PDIK1L: variants seen among roughly 807,000 people sequenced by gnomAD.
PDIK1L encodes serine/threonine-protein kinase PDIK1L.
Under a neutral mutation model 27.1 loss-of-function variants are expected in PDIK1L, and 9 were observed. The observed-to-expected ratio is 0.33, with a 90% CI of 0.20 to 0.58. The LOEUF (loss-of-function observed/expected upper bound fraction) is 0.58, where lower values mean the gene tolerates loss of function less well. Ranked by LOEUF, PDIK1L falls within the 20% of genes least tolerant of loss-of-function variation. The probability of loss-of-function intolerance (pLI) is 0.86; values close to 1 mark genes in which losing one functional copy is unlikely to be tolerated. For synonymous variants in PDIK1L, 130 were observed against 141.7 expected, an observed-to-expected ratio of 0.92 and a Z score of 0.59; for missense variants, 216 against 413.2, an observed-to-expected ratio of 0.52 and a Z score of 4.14.
Position 26,124,871 on chromosome 1 carries a change from A to G in PDIK1L, c.*2294A>G, listed in dbSNP as rs2088051247. The G allele has an allele frequency of 6.6e-6, 1 of 152,310 alleles. No individual in the cohort carries two copies. 9.4% of individuals were successfully genotyped at this position (152,310 alleles called of 1,614,324 possible). On this transcript the variant is annotated 3_prime_UTR_variant, in exon 3 of 3. Coordinates refer to ENST00000374269, the MANE Select transcript of PDIK1L (RefSeq NM_152835.5). Reference sequence around the variant, plus strand: ...GACAATTAAAAAATGGCATTTAGCCAAAGGCCTTTTCAGCCAGGAGTAAGA... The same window carrying G: ...GACAATTAAAAAATGGCATTTAGCCGAAGGCCTTTTCAGCCAGGAGTAAGA...
At position 26,125,272 on chromosome 1, in the gene PDIK1L, T is replaced by C. The variant is rs1469144567; in HGVS notation, c.*2695T>C. 1 of 152,654 alleles carries C rather than the reference T, an allele frequency of 6.6e-6. No individual in the cohort carries two copies. The highest frequency in any genetic ancestry group is 2.4e-5 in the African/African-American group (1 of 41,468). 9.5% of individuals were successfully genotyped at this position (152,654 alleles called of 1,614,324 possible). A position where few individuals can be genotyped will look rare whatever the true frequency, so the allele number is the denominator to read the frequency against. ...ATAAATAGCACACAGAATAGTTCTT[T>C]CTGCTGGTCTGTTTTTTCTCTTCGT... On this transcript the variant is annotated 3_prime_UTR_variant, in exon 3 of 3. Coordinates refer to ENST00000374269, the MANE Select transcript of PDIK1L (RefSeq NM_152835.5).
chr1:26,115,789 G>A (rs536378591), intron 2 of PDIK1L, among the ~76,000 whole-genome samples: 70 of 147,926 alleles, frequency 4.7e-4, no homozygotes, highest in Non-Finnish European at 9.7e-4. Flanking sequence ...GCAACTGAGC[G>A]AGACTCCGTC....
chr1:26,112,307 C>G (rs2087810742), intron 1 of PDIK1L, among the ~76,000 whole-genome samples: 1 of 152,224 alleles, frequency 6.6e-6, no homozygotes, highest in African/African-American at 2.4e-5. Flanking sequence ...CGGCAGGTGT[C>G]TGGCCTGGCC....
At chr1:26,121,064 CAAAT>C (rs1235468410) in intron 2 of PDIK1L, among the ~76,000 whole-genome samples, 1 of 150,512 alleles carries the variant, frequency 6.6e-6, no homozygotes, top group Non-Finnish European at 1.5e-5. Flanking sequence ...ATAATAATAA[CAAAT>C]AAAACTGTGA....
At chr1:26,116,521 A>G (rs1557594893) in intron 2 of PDIK1L, among the ~76,000 whole-genome samples, 1 of 152,210 alleles carries the variant, frequency 6.6e-6, no homozygotes, top group Non-Finnish European at 1.5e-5. Flanking sequence ...CCCCAAAACA[A>G]AAAAGAAAAC....
At chr1:26,111,293 C>A (rs2087787994), upstream of PDIK1L, 1 of 152,846 alleles carries the variant, frequency 6.5e-6, no homozygotes, top group South Asian at 1.8e-4. This position sits in a 1 kb window ranked among gnomAD's most constrained non-coding sequence, Gnocchi z 4.0. Context: ...CGCCAGGCCT[C>A]CTTGGTCGGG....
Position 26,122,809 on chromosome 1 carries a change from A to C in PDIK1L, c.*232A>C. 1 of 359,476 alleles carries C rather than the reference A, an allele frequency of 2.8e-6. No individual in the cohort carries two copies. The highest frequency in any genetic ancestry group is 4.8e-6 in the Non-Finnish European group (1 of 208,004). 22.3% of individuals were successfully genotyped at this position (359,476 alleles called of 1,614,324 possible). ...GTAAATTTTTAAAAAATGATTATTGATAGAAGTTTGGCAGGAAAATTCTTT... is the reference window on the plus strand; with the variant it reads ...GTAAATTTTTAAAAAATGATTATTGCTAGAAGTTTGGCAGGAAAATTCTTT... On this transcript the variant is annotated 3_prime_UTR_variant, in exon 3 of 3. Coordinates refer to ENST00000374269, the MANE Select transcript of PDIK1L (RefSeq NM_152835.5). The surrounding 1 kb of genome is among the most constrained non-coding windows in gnomAD (Gnocchi z 5.4).
At chr1:26,112,679 T>C (rs2087816769) in intron 1 of PDIK1L, 1 of 152,392 alleles carries the variant, frequency 6.6e-6, no homozygotes, top group South Asian at 2.1e-4. Context: ...GAAGTGGGAC[T>C]GAACACAATC....
In PDIK1L at chr1:26,123,625, A is replaced by T. The variant is rs548756651; in HGVS notation, c.*1048A>T. ...CCCTGATATGATCACTTGTTGAGTC[A>T]CTGGAGTTCCTTTCATTTTGGCACT... On this transcript the variant is annotated 3_prime_UTR_variant, in exon 3 of 3. Coordinates refer to ENST00000374269, the MANE Select transcript of PDIK1L (RefSeq NM_152835.5). 2.0e-5 allele frequency: 3 copies of T among 152,704 alleles called. No homozygotes were observed. In the South Asian group the frequency reaches 6.2e-4, roughly 32 times the overall value. 9.5% of individuals were successfully genotyped at this position (152,704 alleles called of 1,614,324 possible).
In PDIK1L at chr1:26,124,721, T is replaced by A. The variant is rs563176190; in HGVS notation, c.*2144T>A. 6.6e-6 allele frequency: 1 copy of A among 152,330 alleles called. No individual in the cohort carries two copies. Among genetic ancestry groups the A allele is most frequent in the African/African-American group, 2.4e-5 (1 of 41,590 alleles). 9.4% of individuals were successfully genotyped at this position (152,330 alleles called of 1,614,324 possible). A position where few individuals can be genotyped will look rare whatever the true frequency, so the allele number is the denominator to read the frequency against. On this transcript the variant is annotated 3_prime_UTR_variant, in exon 3 of 3. Coordinates refer to ENST00000374269, the MANE Select transcript of PDIK1L (RefSeq NM_152835.5). ...TCAGGAAGTTTCTTCTGGAATTTTA[T>A]CAAGTCCTTGTATTCTAAAATAGCC...
chr1:26,115,450 G>T (rs895311192), intron 2 of PDIK1L, among the ~76,000 whole-genome samples: 1 of 152,210 alleles, frequency 6.6e-6, no homozygotes. Flanking sequence ...TATACTCAAA[G>T]AATAGAAAAT....
intron 2 of PDIK1L, among the ~76,000 whole-genome samples, chr1:26,116,056 A>C (rs982380669): frequency 1.1e-4 from 16 of 152,126 alleles, no homozygotes; most frequent in African/African-American, 3.9e-4. Flanking sequence ...TACAAAAATT[A>C]GCCTGGCATG....
intron 2 of PDIK1L, among the ~76,000 whole-genome samples, chr1:26,118,369 C>T (rs2087917137): frequency 6.6e-6 from 1 of 152,104 alleles, no homozygotes; most frequent in African/African-American, 2.4e-5. Flanking sequence ...AGTCCAGATC[C>T]AGCAATTGTT....
At position 26,114,706 on chromosome 1, in the gene PDIK1L, A is replaced by AG; in HGVS notation, c.285+114dup. 1 of 1,185,380 alleles carries AG rather than the reference A, an allele frequency of 8.4e-7. No homozygotes were observed. Among genetic ancestry groups the AG allele is most frequent in the East Asian group, 2.5e-5 (1 of 39,880 alleles). The allele number at this position is 1,185,380 out of a possible 1,614,324, so 73.4% of individuals were successfully genotyped here. A position where few individuals can be genotyped will look rare whatever the true frequency, so the allele number is the denominator to read the frequency against. ...CCTTTAAATGCAGGTGTTTGTAGTT[A>AG]GAAGTAGATAAGTGTCTGCCAAGAA... On this transcript the variant is annotated intron_variant, in intron 2 of 2. Transcript: ENST00000374269. This position sits in a 1 kb window ranked among gnomAD's most constrained non-coding sequence, Gnocchi z 4.8.
intron 1 of PDIK1L, among the ~76,000 whole-genome samples, chr1:26,113,498 T>TAAAAAA (rs67443362): frequency 4.4e-5 from 4 of 91,038 alleles, no homozygotes; most frequent in Admixed American, 1.3e-4. Flanking sequence ...AGACTCCGTC[T>TAAAAAA]AAAAAAAAAA....
chr1:26,114,672 G>C lies in PDIK1L; in HGVS notation c.285+79G>C, dbSNP rs918015654. 6.8e-7 allele frequency: 1 copy of C among 1,467,436 alleles called. No homozygotes were observed. Among genetic ancestry groups the C allele is most frequent in the Non-Finnish European group, 9.3e-7 (1 of 1,075,370 alleles). The allele number at this position is 1,467,436 out of a possible 1,614,324, so 90.9% of individuals were successfully genotyped here. A position where few individuals can be genotyped will look rare whatever the true frequency, so the allele number is the denominator to read the frequency against. On this transcript the variant is annotated intron_variant, in intron 2 of 2. Coordinates refer to ENST00000374269, the MANE Select transcript of PDIK1L (RefSeq NM_152835.5). The surrounding 1 kb of genome is among the most constrained non-coding windows in gnomAD (Gnocchi z 4.8). ...AAGAAGAGGAATGAAAGGGTCAGAC[G>C]AACGTTTCCCTTTAAATGCAGGTGT...
chr1:26,118,443 G>T (rs1163305249), intron 2 of PDIK1L, among the ~76,000 whole-genome samples: 1 of 152,200 alleles, frequency 6.6e-6, no homozygotes, highest in Non-Finnish European at 1.5e-5. Flanking sequence ...TTGATTCAGT[G>T]ATTTTTATAT....
intron 2 of PDIK1L, among the ~76,000 whole-genome samples, chr1:26,116,065 T>C (rs967598330): frequency 1.7e-4 from 26 of 152,152 alleles, no homozygotes; most frequent in Non-Finnish European, 1.9e-4. Context: ...TAGCCTGGCA[T>C]GATAACGTGC....
Position 26,125,217 on chromosome 1 carries a change from CATT to C in PDIK1L, c.*2643_*2645del, listed in dbSNP as rs2088057454. ...TTTTTGGTGCTAAGGGATACTTTGT[CATT>C]ATGATGAAGTAAGTGTTAAGTGTCA... is the stretch of plus-strand genomic sequence containing the variant. On this transcript the variant is annotated 3_prime_UTR_variant, in exon 3 of 3. Transcript: ENST00000374269. 6.6e-6 allele frequency: 1 copy of C among 152,500 alleles called. No individual in the cohort carries two copies. The highest frequency in any genetic ancestry group is 1.5e-5 in the Non-Finnish European group (1 of 68,002). 9.4% of individuals were successfully genotyped at this position (152,500 alleles called of 1,614,324 possible).
Sources: allele counts gnomAD v4.1 joint callset (sites outside exome capture counted in the v4.1 genomes callset), GRCh38; gene constraint gnomAD v4.1.1; non-coding constraint Gnocchi (gnomAD v3.1); transcripts MANE v1.5; gene names NCBI Gene and HGNC (gene_info 2026-07-23, HGNC 2026-07-21).